The following RETREG1 variants were observed in gnomAD, a reference collection of about 807,000 sequenced individuals.
RETREG1 encodes the protein family with sequence similarity 134 member B.
A neutral mutation model predicts 54.8 loss-of-function variants in RETREG1; 44 were observed. That is an observed-to-expected ratio of 0.80 (90% CI 0.63 to 1.03). The LOEUF (loss-of-function observed/expected upper bound fraction) is 1.03, where lower values mean the gene tolerates loss of function less well. Ranked by LOEUF, RETREG1 falls within the 50% of genes least tolerant of loss-of-function variation. RETREG1 has a pLI of 0.00. For missense variants in RETREG1, 554 were observed against 605.1 expected, an observed-to-expected ratio of 0.92 and a Z score of 0.89; for synonymous variants, 217 against 238.5, an observed-to-expected ratio of 0.91 and a Z score of 0.83.
chr5:16,602,613 A>G (rs1480789674), intron 1 of RETREG1, among the ~76,000 whole-genome samples: 1 of 152,216 alleles, frequency 6.6e-6, no homozygotes, highest in Non-Finnish European at 1.5e-5. Context: ...AACTTCTGAT[A>G]TCATGACAAG....
At chr5:16,587,658 A>T (rs1228797446) in intron 1 of RETREG1, among the ~76,000 whole-genome samples, 1 of 152,176 alleles carries the variant, frequency 6.6e-6, no homozygotes, top group East Asian at 1.9e-4. Context: ...CCCAAAAAGA[A>T]ATTCAGATAT....
At chr5:16,487,637 C>CG (rs1561083234) in intron 3 of RETREG1, among the ~76,000 whole-genome samples, 1 of 152,176 alleles carries the variant, frequency 6.6e-6, no homozygotes, top group Admixed American at 6.5e-5. Flanking sequence ...TTCCTTCTTA[C>CG]GGAAAAACTA....
chr5:16,579,748 T>G (rs999583454), intron 1 of RETREG1, among the ~76,000 whole-genome samples: 1 of 152,206 alleles, frequency 6.6e-6, no homozygotes, highest in Non-Finnish European at 1.5e-5. Flanking sequence ...TTTAGCAAAA[T>G]GCATTGAAGC....
At position 16,512,051 on chromosome 5, in the gene RETREG1, T is replaced by TC. The variant is rs554707752; in HGVS notation, c.459-28580dup. ...AGTGTAGCTACACAATCGACAAGTG[T>TC]CCCCCCACTGAAGGCCTAACATGGC... On this transcript the variant is annotated intron_variant, in intron 3 of 8. Coordinates refer to ENST00000306320, the MANE Select transcript of RETREG1 (RefSeq NM_001034850.3). 4.2e-3 allele frequency among the ~76,000 whole-genome samples: 631 copies of TC among 152,036 alleles called. 6 individuals carry two copies. The highest frequency in any genetic ancestry group is 0.014 in the African/African-American group (600 of 41,460).
At position 16,477,535 on chromosome 5, in the gene RETREG1, T is replaced by C. The variant is rs1012820278; in HGVS notation, c.1000+127A>G. 5 of 920,500 alleles carry C rather than the reference T, an allele frequency of 5.4e-6. No individual in the cohort carries two copies. In the African/African-American group the frequency reaches 8.3e-5, roughly 15 times the overall value. The allele number at this position is 920,500 out of a possible 1,614,324, so 57.0% of individuals were successfully genotyped here. A position where few individuals can be genotyped will look rare whatever the true frequency, so the allele number is the denominator to read the frequency against. Reference sequence around the variant, plus strand: ...AGCAAGTATCAGGACTTCATTTTTATAGCCAAGTAATATTCTACTGTGTAG... The same window carrying C: ...AGCAAGTATCAGGACTTCATTTTTACAGCCAAGTAATATTCTACTGTGTAG... On this transcript the variant is annotated intron_variant, in intron 8 of 8. Transcript: ENST00000306320.
intron 1 of RETREG1, among the ~76,000 whole-genome samples, chr5:16,573,742 G>GTTTTTTTTTTT (rs34651832): frequency 7.1e-5 from 9 of 126,530 alleles, no homozygotes; most frequent in East Asian, 2.4e-4. Flanking sequence ...TTTGTTTTTT[G>GTTTTTTTTTTT]TTTTTTTTTT....
chr5:16,499,440 A>T (rs1422607520), intron 3 of RETREG1, among the ~76,000 whole-genome samples: 1 of 152,226 alleles, frequency 6.6e-6, no homozygotes, highest in Non-Finnish European at 1.5e-5. Flanking sequence ...AAACATAAAC[A>T]CATTCATAAC....
rs577123405 is a variant in RETREG1 at position 16,548,982 on chromosome 5, T to G, written c.458+16781A>C. 2.6e-5 allele frequency among the ~76,000 whole-genome samples: 4 copies of G among 152,336 alleles called. No homozygotes were observed. The East Asian group carries it at 7.7e-4, about 29-fold the overall frequency. ...AAATCTAGGTGGTGAGTACCAGCAG[T>G]GTCACTGACACAGTAGCAGAGCTGA... On this transcript the variant is annotated intron_variant, in intron 3 of 8. Transcript: ENST00000306320.
intron 1 of RETREG1, among the ~76,000 whole-genome samples, chr5:16,575,344 T>C (rs1375309365): frequency 6.6e-6 from 1 of 152,178 alleles, no homozygotes; most frequent in Non-Finnish European, 1.5e-5. Context: ...ACAGCATGCT[T>C]CCTTAGAATG....
At chr5:16,494,390 G>T (rs78772619) in intron 3 of RETREG1, among the ~76,000 whole-genome samples, 1 of 152,180 alleles carries the variant, frequency 6.6e-6, no homozygotes, top group Admixed American at 6.5e-5. Flanking sequence ...TCAAATTGTA[G>T]TCCCAAGTGT....
At chr5:16,529,031 T>C (rs1270097100) in intron 3 of RETREG1, among the ~76,000 whole-genome samples, 2 of 152,172 alleles carry the variant, frequency 1.3e-5, no homozygotes, top group Non-Finnish European at 2.9e-5. Context: ...GAAGAAACTA[T>C]ATACCCCAAG....
In RETREG1 at chr5:16,573,180, C is replaced by CAAAAAAAA. The variant is rs11303408; in HGVS notation, c.321-1086_321-1079dup. Among the ~76,000 whole-genome samples the CAAAAAAAA allele has an allele frequency of 1.1e-4, 5 of 45,144 alleles. 1 individual carries two copies. Among genetic ancestry groups the CAAAAAAAA allele is most frequent in the African/African-American group, 3.0e-4 (4 of 13,440 alleles). The allele number at this position is 45,144 out of a possible 152,430, so 29.6% of individuals were successfully genotyped here. A position where few individuals can be genotyped will look rare whatever the true frequency, so the allele number is the denominator to read the frequency against. ...CTGGTGAGAGAGTGAGATTCTGTCT[C>CAAAAAAAA]AAAAAAAAAAAAAAAAAAAAAAAAA... On this transcript the variant is annotated intron_variant, in intron 1 of 8. Transcript: ENST00000306320.
intron 3 of RETREG1, among the ~76,000 whole-genome samples, chr5:16,517,416 G>A (rs146780754): frequency 1.1e-3 from 164 of 152,312 alleles, no homozygotes; most frequent in African/African-American, 3.8e-3. Context: ...TACAAAGCAC[G>A]ATGGAGCTGG....
chr5:16,501,588 G>A (rs1739716815), intron 3 of RETREG1, among the ~76,000 whole-genome samples: 1 of 152,044 alleles, frequency 6.6e-6, no homozygotes, highest in South Asian at 2.1e-4. Flanking sequence ...TGTTGCCTAG[G>A]CTGGAGTGCA....
intron 3 of RETREG1, among the ~76,000 whole-genome samples, chr5:16,557,938 G>T (rs995670388): frequency 2.6e-5 from 4 of 151,862 alleles, no homozygotes; most frequent in African/African-American, 7.3e-5. Context: ...AGACATGAGG[G>T]GTCTGCCTTC....
At chr5:16,493,716 T>C (rs899353660) in intron 3 of RETREG1, among the ~76,000 whole-genome samples, 7 of 152,086 alleles carry the variant, frequency 4.6e-5, no homozygotes, top group Admixed American at 2.6e-4. Flanking sequence ...GGCCTACTTA[T>C]ATGAAACCTG....
intron 3 of RETREG1, among the ~76,000 whole-genome samples, chr5:16,545,498 T>G (rs1741361505): frequency 6.6e-6 from 1 of 151,950 alleles, no homozygotes; most frequent in Non-Finnish European, 1.5e-5. Context: ...GAGGATAAAT[T>G]AGGTAATACG....
In RETREG1 at chr5:16,483,553, G is replaced by C; in HGVS notation, c.459-81C>G. The C allele has an allele frequency of 2.0e-6, 3 of 1,475,676 alleles. No homozygotes were observed. The African/African-American group carries it at 4.2e-5, about 20-fold the overall frequency. The allele number at this position is 1,475,676 out of a possible 1,614,324, so 91.4% of individuals were successfully genotyped here. On this transcript the variant is annotated intron_variant, in intron 3 of 8. Transcript: ENST00000306320. The stretch of plus-strand genomic sequence containing the variant: ...TTTATGGCTTTGGCAAATATTTATT[G>C]AGCATCTACTGTTGGCCACACCCTC...
chr5:16,615,647 G>T (rs1178030505), intron 1 of RETREG1, among the ~76,000 whole-genome samples: 3 of 152,072 alleles, frequency 2.0e-5, no homozygotes, highest in African/African-American at 4.8e-5. Flanking sequence ...CCTCCGACAA[G>T]ATACAGCTAG....
Sources: gnomAD v4.1 joint callset for allele counts (sites outside exome capture counted in the v4.1 genomes callset) on GRCh38, gnomAD v4.1.1 for gene constraint, MANE v1.5 for transcripts, NCBI Gene and HGNC (gene_info 2026-07-23, HGNC 2026-07-21) for gene names.